Variants in KCTD3 observed in about 807,000 individuals in gnomAD.
KCTD3 encodes the protein BTB/POZ domain-containing protein KCTD3.
In KCTD3, 41 loss-of-function variants were observed where a neutral mutation model predicts 85.8. That is an observed-to-expected ratio of 0.48 (90% CI 0.37 to 0.62). KCTD3 has a LOEUF of 0.62. Ranked by LOEUF, KCTD3 falls within the 20% of genes least tolerant of loss-of-function variation. The pLI, the probability that KCTD3 is intolerant of heterozygous loss-of-function variation, is 0.00. For synonymous variants in KCTD3, 338 were observed against 345.4 expected (o/e 0.98, Z 0.24); for missense variants, 724 against 989.9 (o/e 0.73, Z 3.60).
chr1:215,601,002 A>T (rs1407742929), intron 10 of KCTD3, among the ~76,000 whole-genome samples: 1 of 152,050 alleles, frequency 6.6e-6, no homozygotes, highest in East Asian at 1.9e-4. Context: ...CAGTGGCACA[A>T]TCCCCGCTCA....
chr1:215,587,985 C>G lies in KCTD3; in HGVS notation c.817+1300C>G, dbSNP rs540722082. 2.0e-5 allele frequency among the ~76,000 whole-genome samples: 3 copies of G among 152,324 alleles called. No homozygotes were observed. The South Asian group carries it at 6.2e-4, about 32-fold the overall frequency. On this transcript the variant is annotated intron_variant, in intron 9 of 17. Coordinates refer to ENST00000259154, the MANE Select transcript of KCTD3 (RefSeq NM_016121.5). ...TTGCATTCATTGGTATCCCTGCTGA[C>G]TACGTGTGAGGGAGTTGTCACACTC...
At position 215,578,094 on chromosome 1, in the gene KCTD3, T is replaced by G. The variant is rs751372529; in HGVS notation, c.397+13T>G. The stretch of plus-strand genomic sequence containing the variant: ...TTGCCCCCACCAGGTATTTTCACTT[T>G]ATTAAATCTTTTAAAAAATTCCTTG... On this transcript the variant is annotated intron_variant, in intron 6 of 17. Coordinates refer to ENST00000259154, the MANE Select transcript of KCTD3 (RefSeq NM_016121.5). 6.2e-7 allele frequency: 1 copy of G among 1,603,094 alleles called. No homozygotes were observed. The highest frequency in any genetic ancestry group is 1.1e-5 in the South Asian group (1 of 88,786).
At chr1:215,617,793 G>T (rs1286918376) in intron 15 of KCTD3, among the ~76,000 whole-genome samples, 1 of 145,184 alleles carries the variant, frequency 6.9e-6, no homozygotes, top group East Asian at 2.0e-4. Flanking sequence ...TATATATAAT[G>T]TATATATATA....
At chr1:215,618,259 C>G (rs75181256) in intron 15 of KCTD3, 1 of 309,766 alleles carries the variant, frequency 3.2e-6, no homozygotes. Flanking sequence ...AAGAATGAGA[C>G]TAGGATAGTC....
intron 4 of KCTD3, 25 bp downstream of exon 4, chr1:215,575,999 T>C: frequency 8.8e-7 from 1 of 1,139,592 alleles, no homozygotes; most frequent in Non-Finnish European, 1.3e-6. Flanking sequence ...CTTTTTAAAG[T>C]AAATTCTTAC....
In KCTD3 at chr1:215,621,646, C is replaced by T. The variant is rs1459793549; in HGVS notation, c.*1028C>T. On this transcript the variant is annotated 3_prime_UTR_variant, in exon 18 of 18. Coordinates refer to ENST00000259154, the MANE Select transcript of KCTD3 (RefSeq NM_016121.5). ...AAATAGGGTAATTGTAAATTTAAAG[C>T]ATTAGCATTTATTGGTGAATAATGT... is the stretch of plus-strand genomic sequence containing the variant. The T allele has an allele frequency of 6.6e-6, 1 of 152,364 alleles. No individual in the cohort carries two copies. Among genetic ancestry groups the T allele is most frequent in the Non-Finnish European group, 1.5e-5 (1 of 67,942 alleles). 9.4% of individuals were successfully genotyped at this position (152,364 alleles called of 1,614,324 possible). A position where few individuals can be genotyped will look rare whatever the true frequency, so the allele number is the denominator to read the frequency against.
intron 9 of KCTD3, among the ~76,000 whole-genome samples, chr1:215,593,841 T>A (rs2102580476): frequency 6.6e-6 from 1 of 150,740 alleles, no homozygotes; most frequent in African/African-American, 2.5e-5. Flanking sequence ...ATTTAAGTGC[T>A]AGAATTGGAA....
intron 9 of KCTD3, among the ~76,000 whole-genome samples, 200 bp from the exon 10 acceptor site, chr1:215,595,156 A>C (rs1162914430): frequency 2.6e-5 from 4 of 152,232 alleles, no homozygotes; most frequent in African/African-American, 4.8e-5. Context: ...GGCTTGGAGC[A>C]GACTCTTCCT....
At chr1:215,576,669 G>A (rs1464722487) in intron 4 of KCTD3, among the ~76,000 whole-genome samples, 1 of 150,526 alleles carries the variant, frequency 6.6e-6, no homozygotes, top group Non-Finnish European at 1.5e-5. Flanking sequence ...CCGGGTTCAC[G>A]CCATTCTCCT....
intron 12 of KCTD3, 49 bp from the exon 13 acceptor site, chr1:215,604,083 T>C: frequency 7.0e-7 from 1 of 1,436,956 alleles, no homozygotes; most frequent in Non-Finnish European, 9.4e-7. Context: ...GGTAGCTTTT[T>C]TATTATCGTT....
chr1:215,593,084 T>C (rs1331715079), intron 9 of KCTD3, among the ~76,000 whole-genome samples: 1 of 152,230 alleles, frequency 6.6e-6, no homozygotes, highest in Non-Finnish European at 1.5e-5. Context: ...TATAGTTGGC[T>C]TCACATGTTC....
intron 12 of KCTD3, among the ~76,000 whole-genome samples, chr1:215,602,966 A>G (rs1654891218): frequency 6.6e-6 from 1 of 152,242 alleles, no homozygotes; most frequent in South Asian, 2.1e-4. Flanking sequence ...AATAGGGTTT[A>G]GTAAACCACG....
intron 8 of KCTD3, chr1:215,581,062 A>G (rs769598401): frequency 9.8e-6 from 4 of 408,780 alleles, no homozygotes; most frequent in African/African-American, 8.5e-5. Flanking sequence ...CCCGACCAAC[A>G]TGGTGAAACC....
chr1:215,619,944 T>A, intron 17 of KCTD3, 113 bp from the exon 18 acceptor site: 1 of 669,814 alleles, frequency 1.5e-6, no homozygotes, highest in Non-Finnish European at 2.3e-6. Context: ...GAAATATGGA[T>A]ATAATACACT....
chr1:215,619,644 G>A (rs1008802788), intron 17 of KCTD3, among the ~76,000 whole-genome samples: 1 of 152,066 alleles, frequency 6.6e-6, no homozygotes, highest in African/African-American at 2.4e-5. Context: ...TTTATCTGTG[G>A]TTCTATTATG....
At chr1:215,583,180 T>A (rs994643799) in intron 8 of KCTD3, among the ~76,000 whole-genome samples, 2 of 152,134 alleles carry the variant, frequency 1.3e-5, no homozygotes, top group African/African-American at 2.4e-5. Context: ...GAATGGCTAC[T>A]CCATAGCCAG....
At chr1:215,601,846 A>G (rs772491252) in intron 10 of KCTD3, 21 bp from the exon 11 acceptor site, 3 of 1,309,014 alleles carry the variant, frequency 2.3e-6, no homozygotes, top group Non-Finnish European at 3.3e-6. Flanking sequence ...CTAACATCTG[A>G]TAATACTCTC....
chr1:215,620,570 T>A lies in KCTD3; in HGVS notation c.2400T>A (p.Ser800=). The change falls in exon 18 of 18, where the codon TCT becomes TCA. Residue 800 remains serine (S), a synonymous_variant. Coordinates refer to ENST00000259154, the MANE Select transcript of KCTD3 (RefSeq NM_016121.5). ...ASPSPTKTTP[S]PRHKKSDSSG... The stretch of plus-strand genomic sequence containing the variant: ...CATCTCCTACAAAGACTACTCCATC[T>A]CCTCGGCATAAAAAAAGTGATTCTT... 6.2e-7 allele frequency: 1 copy of A among 1,608,644 alleles called. No homozygotes were observed. Among genetic ancestry groups the A allele is most frequent in the Non-Finnish European group, 8.5e-7 (1 of 1,178,238 alleles).
At chr1:215,600,599 C>T (rs910836075) in intron 10 of KCTD3, among the ~76,000 whole-genome samples, 3 of 152,188 alleles carry the variant, frequency 2.0e-5, no homozygotes, top group African/African-American at 7.2e-5. Flanking sequence ...AAGGGGATAC[C>T]TCACATCCCT....
Sources: allele counts gnomAD v4.1 joint callset (sites outside exome capture counted in the v4.1 genomes callset), GRCh38; gene constraint gnomAD v4.1.1; transcripts MANE v1.5; gene names NCBI Gene and HGNC (gene_info 2026-07-23, HGNC 2026-07-21).